SPTAN1: variants seen among roughly 807,000 people sequenced by gnomAD.
SPTAN1 encodes the protein spectrin alpha, non-erythrocytic 1, also known as spectrin alpha chain, non-erythrocytic 1.
SPTAN1 carries 61 observed loss-of-function variants against 331.3 expected under a neutral mutation model. The ratio of observed to expected loss-of-function variants is 0.18; its 90% CI spans 0.15 to 0.23. SPTAN1 has a LOEUF of 0.23. Among genes scored for constraint, SPTAN1 ranks in the 10% least tolerant of loss-of-function variants. SPTAN1 has a pLI of 1.00. For missense variants in SPTAN1, 2,043 were observed against 3,147.9 expected, an observed-to-expected ratio of 0.65 and a Z score of 8.40; for synonymous variants, 1,153 against 1,173.9, an observed-to-expected ratio of 0.98 and a Z score of 0.36.
intron 45 of SPTAN1, chr9:128,621,639 C>T: frequency 6.0e-6 from 2 of 334,558 alleles, no homozygotes; most frequent in Non-Finnish European, 1.2e-5. Flanking sequence ...TGTGTCTGAC[C>T]TGCCAGACCT....
rs7028880 is a variant in SPTAN1 at position 128,605,718 on chromosome 9, A to G, written c.4046+241A>G. Among the ~76,000 whole-genome samples the G allele has an allele frequency of 0.99, 150,178 of 152,310 alleles. 74,076 individuals carry two copies. Among genetic ancestry groups the G allele is most frequent in the Middle Eastern group, 1 (294 of 294 alleles). ...ATTTAAAAATCAAAAACGGCCAGGC[A>G]CAGTGGCTCACGTCTATAACCCCAG... On this transcript the variant is annotated intron_variant, in intron 31 of 56. Transcript: ENST00000372739.
intron 2 of SPTAN1, among the ~76,000 whole-genome samples, chr9:128,567,205 C>A (rs1163657322): frequency 6.6e-6 from 1 of 152,242 alleles, no homozygotes; most frequent in Non-Finnish European, 1.5e-5. Flanking sequence ...TCTCAAACCT[C>A]TGCCTTGATA....
intron 4 of SPTAN1, 62 bp downstream of exon 4, chr9:128,574,877 G>T: frequency 6.2e-7 from 1 of 1,608,538 alleles, no homozygotes; most frequent in Non-Finnish European, 8.5e-7. Context: ...AGACTCCTCT[G>T]TGATCTGTAG....
At chr9:128,565,248 C>CTGAGAT (rs1849884385) in intron 1 of SPTAN1, among the ~76,000 whole-genome samples, 1 of 152,144 alleles carries the variant, frequency 6.6e-6, no homozygotes, top group African/African-American at 2.4e-5. Context: ...GGGCAGTGAG[C>CTGAGAT]TGAGATCATG....
intron 17 of SPTAN1, 54 bp downstream of exon 17, chr9:128,584,579 A>C (rs1413933844): frequency 6.2e-6 from 10 of 1,613,934 alleles, no homozygotes; most frequent in Non-Finnish European, 8.5e-6. Context: ...GTGCTATTGT[A>C]GCATAAAGGG....
chr9:128,623,441 C>T (rs1462707032), intron 45 of SPTAN1, among the ~76,000 whole-genome samples: 1 of 151,282 alleles, frequency 6.6e-6, no homozygotes, highest in East Asian at 2.0e-4. Context: ...ATCATCTTAA[C>T]TTCAAATTTC....
At chr9:128,582,273 G>A (rs900462747) in intron 12 of SPTAN1, among the ~76,000 whole-genome samples, 1 of 152,200 alleles carries the variant, frequency 6.6e-6, no homozygotes, top group Non-Finnish European at 1.5e-5. Context: ...AATGGAGGTA[G>A]TGCAGTCTTA....
rs373016934 is a variant in SPTAN1, at chr9:128,587,587, T to G, written c.2779-19T>G. 6.2e-7 allele frequency: 1 copy of G among 1,609,792 alleles called. No homozygotes were observed. The highest frequency in any genetic ancestry group is 1.1e-5 in the South Asian group (1 of 90,980). ...GCTTCAGCCCCTGCACAGTGCTCCATGTGTGGTTTTGGTTTCAGGCTCTAC... is the reference window on the plus strand; with the variant it reads ...GCTTCAGCCCCTGCACAGTGCTCCAGGTGTGGTTTTGGTTTCAGGCTCTAC... On this transcript the variant is annotated intron_variant, in intron 19 of 56. Coordinates refer to ENST00000372739, the MANE Select transcript of SPTAN1 (RefSeq NM_001130438.3).
chr9:128,587,978 T>C (rs1589231215), intron 20 of SPTAN1, among the ~76,000 whole-genome samples: 1 of 150,918 alleles, frequency 6.6e-6, no homozygotes, highest in South Asian at 2.1e-4. Context: ...CCTGAGTAGG[T>C]GGGATTACAG....
At chr9:128,606,810 T>TA (rs1855952548) in intron 31 of SPTAN1, among the ~76,000 whole-genome samples, 1 of 152,070 alleles carries the variant, frequency 6.6e-6, no homozygotes, top group Non-Finnish European at 1.5e-5. Context: ...TTTATTGAGG[T>TA]AAAAGCCACG....
Position 128,605,418 on chromosome 9 carries a change from T to C in SPTAN1, c.3987T>C (p.Asp1329=). 1 of 1,614,170 alleles carries C rather than the reference T, an allele frequency of 6.2e-7. No homozygotes were observed. Among genetic ancestry groups the C allele is most frequent in the Admixed American group, 1.7e-5 (1 of 60,016 alleles). ...GGAGCAGCCTGGGGAAACGTGCAGA[T>C]CAGCGCAAGGCAAAGTTGGGTGACT... The part of the protein sequence containing the change: ...QAWSSLGKRA[D]QRKAKLGDSH... Residue 1329 remains aspartate, a synonymous_variant, in exon 31 of 57, where the codon GAT becomes GAC. Coordinates refer to ENST00000372739, the MANE Select transcript of SPTAN1 (RefSeq NM_001130438.3).
intron 45 of SPTAN1, among the ~76,000 whole-genome samples, chr9:128,622,825 T>TCACTGC (rs1243316498): frequency 6.6e-6 from 1 of 151,880 alleles, no homozygotes; most frequent in Non-Finnish European, 1.5e-5. Context: ...CAATCTCACC[T>TCACTGC]CACTGCCACC....
Position 128,611,558 on chromosome 9 carries a change from T to C in SPTAN1, c.4774-156T>C. 4.8e-6 allele frequency: 4 copies of C among 836,832 alleles called. No homozygotes were observed. The South Asian group carries it at 5.9e-5, about 12-fold the overall frequency. The allele number at this position is 836,832 out of a possible 1,614,324, so 51.8% of individuals were successfully genotyped here. On this transcript the variant is annotated intron_variant, in intron 37 of 56. Transcript: ENST00000372739. ...TCCCCAAGAGATGAACCCTAAAATA[T>C]TTCATACAAACTCCAATTGCCTTCT...
At chr9:128,556,341 A>G (rs118130569) in intron 1 of SPTAN1, among the ~76,000 whole-genome samples, 3,447 of 152,312 alleles carry the variant, frequency 0.023, 52 homozygotes, top group Middle Eastern at 0.092. Context: ...AAAATAAAAA[A>G]TATAAACATT....
intron 3 of SPTAN1, among the ~76,000 whole-genome samples, chr9:128,570,538 A>G (rs1194871650): frequency 6.6e-6 from 1 of 151,210 alleles, no homozygotes; most frequent in Non-Finnish European, 1.5e-5. Flanking sequence ...GGGTTTCATC[A>G]TGTTGACCAG....
intron 37 of SPTAN1, 98 bp downstream of exon 37, chr9:128,609,763 C>A: frequency 1.3e-6 from 1 of 760,806 alleles, no homozygotes; most frequent in Non-Finnish European, 2.0e-6. Flanking sequence ...ACACGGTTTG[C>A]TGGTGTCTCT....
chr9:128,605,455 C>T lies in SPTAN1; in HGVS notation c.4024C>T (p.Gln1342Ter). 6.2e-7 allele frequency: 1 copy of T among 1,614,192 alleles called. No individual in the cohort carries two copies. The highest frequency in any genetic ancestry group is 8.5e-7 in the Non-Finnish European group (1 of 1,180,036). Residue 1342 changes from glutamine to a stop codon, truncating the protein, a stop_gained, in exon 31 of 57, where the codon CAG becomes TAG. Coordinates refer to ENST00000372739, the MANE Select transcript of SPTAN1 (RefSeq NM_001130438.3). LOFTEE classifies it high-confidence loss of function. ...KAKLGDSHDL[Q>*]RFLSDFRDLM... ...AAAGTTGGGTGACTCCCACGACCTGCAGCGCTTCCTTAGCGATTTCCGGTA... is the reference window on the plus strand; with the variant it reads ...AAAGTTGGGTGACTCCCACGACCTGTAGCGCTTCCTTAGCGATTTCCGGTA...
chr9:128,591,521 G>T lies in SPTAN1; in HGVS notation c.3051G>T (p.Pro1017=). ...VEVNDRQGFV[P]AAYVKKLDPA... is the part of the protein sequence containing the mutation. The stretch of plus-strand genomic sequence containing the variant: ...TGAACGATCGTCAGGGTTTTGTGCC[G>T]GCTGCGTACGTGAAGAAATTGGACC... The change falls in exon 22 of 57, where the codon CCG becomes CCT. Residue 1017 remains proline (P), a synonymous_variant. Transcript: ENST00000372739. 1 of 1,614,100 alleles carries T rather than the reference G, an allele frequency of 6.2e-7. No homozygotes were observed. Among genetic ancestry groups the T allele is most frequent in the Non-Finnish European group, 8.5e-7 (1 of 1,180,018 alleles).
Position 128,604,437 on chromosome 9 carries a change from C to A in SPTAN1, c.3719+20C>A. The A allele has an allele frequency of 6.2e-7, 1 of 1,606,220 alleles. No individual in the cohort carries two copies. Among genetic ancestry groups the A allele is most frequent in the African/African-American group, 1.3e-5 (1 of 74,866 alleles). On this transcript the variant is annotated intron_variant, in intron 29 of 56. Coordinates refer to ENST00000372739, the MANE Select transcript of SPTAN1 (RefSeq NM_001130438.3). Reference sequence around the variant, plus strand: ...CCACAGGTGAGGGGTCAGCCCTGGGCTGGGAGAGGGAGAAACAGGTGACTG... The same window carrying A: ...CCACAGGTGAGGGGTCAGCCCTGGGATGGGAGAGGGAGAAACAGGTGACTG...
Sources: allele counts gnomAD v4.1 joint callset (sites outside exome capture counted in the v4.1 genomes callset), GRCh38; gene constraint gnomAD v4.1.1; transcripts MANE v1.5; gene names NCBI Gene and HGNC (gene_info 2026-07-23, HGNC 2026-07-21).